The following TEX15 variants were observed in gnomAD, a reference collection of about 807,000 sequenced individuals.
TEX15 encodes testis expressed 15, meiosis and synapsis associated.
Under a neutral mutation model 237.3 loss-of-function variants are expected in TEX15, and 171 were observed. The observed-to-expected ratio is 0.72, with a 90% confidence interval of 0.64 to 0.82. The LOEUF (loss-of-function observed/expected upper bound fraction) is 0.82, where lower values mean the gene tolerates loss of function less well. Among genes scored for constraint, TEX15 ranks in the 40% least tolerant of loss-of-function variants. TEX15 has a pLI of 0.00. For synonymous variants in TEX15, 1,338 were observed against 1,269.8 expected (o/e 1.05, Z -1.14); for missense variants, 3,750 against 3,646.5 (o/e 1.03, Z -0.73).
intron 3 of TEX15, among the ~76,000 whole-genome samples, chr8:30,876,488 A>G (rs551860990): frequency 4.6e-5 from 7 of 152,248 alleles, no homozygotes; most frequent in African/African-American, 1.7e-4. Context: ...TCATGAATCT[A>G]TAAATTTAGC....
chr8:30,867,640 A>C, intron 4 of TEX15, 138 bp from the exon 5 acceptor site: 1 of 594,072 alleles, frequency 1.7e-6, no homozygotes, highest in Non-Finnish European at 3.0e-6. Flanking sequence ...TGTGATGATA[A>C]ATTTGGTTGA....
At chr8:30,878,009 T>C (rs147525047) in intron 3 of TEX15, among the ~76,000 whole-genome samples, 1 of 152,136 alleles carries the variant, frequency 6.6e-6, no homozygotes, top group East Asian at 1.9e-4. Context: ...ATCCTGAAAA[T>C]TATTACTCTC....
chr8:30,902,856 T>C (rs1809032323), intron 1 of TEX15, among the ~76,000 whole-genome samples: 1 of 152,168 alleles, frequency 6.6e-6, no homozygotes, highest in Non-Finnish European at 1.5e-5. Flanking sequence ...ATCTAGGTGA[T>C]GAAGCACAGT....
At chr8:30,903,378 G>A (rs73588057) in intron 1 of TEX15, among the ~76,000 whole-genome samples, 34 of 152,320 alleles carry the variant, frequency 2.2e-4, no homozygotes, top group African/African-American at 7.0e-4. Flanking sequence ...GGGGCCCCCA[G>A]GGGTTAGGAC....
At position 30,837,432 on chromosome 8, in the gene TEX15, A is replaced by G. The variant is rs1807331949; in HGVS notation, c.8852T>C (p.Ile2951Thr). The change falls in exon 10 of 11, where the codon ATA becomes ACA. Residue 2951 changes from isoleucine (I) to threonine (T), a missense_variant. Coordinates refer to ENST00000643185, the MANE Select transcript of TEX15 (RefSeq NM_001350162.2). The part of the protein sequence containing the change: ...CIQNKIPTLQ[I>T]NKLQPTETES... The stretch of plus-strand genomic sequence containing the variant: ...AGTTTCTGTAGGCTGTAGTTTGTTT[A>G]TCTGCAGAGTAGGAATTTTGTTCTG... 2.5e-6 allele frequency: 4 copies of G among 1,614,168 alleles called. No individual in the cohort carries two copies. The highest frequency in any genetic ancestry group is 3.4e-6 in the Non-Finnish European group (4 of 1,180,020).
Position 30,848,876 on chromosome 8 carries a change from T to C in TEX15, c.1291A>G (p.Ile431Val), listed in dbSNP as rs1414748276. The C allele has an allele frequency of 1.2e-6, 2 of 1,614,192 alleles. No homozygotes were observed. Among genetic ancestry groups the C allele is most frequent in the East Asian group, 2.2e-5 (1 of 44,884 alleles). ...CTCCTCATCAGTCTTGGGTCTTTGA[T>C]GGATTTTGAAGTAGTGACTGTGCTT... ...GSSTVTTSKS[I>V]KDPRLMRREE... Residue 431 changes from isoleucine (I) to valine (V), a missense_variant, in exon 8 of 11, where the codon ATC (isoleucine) becomes GTC (valine). Physicochemically the swap from Ile to Val is conservative, Grantham distance 29. Coordinates refer to ENST00000643185, the MANE Select transcript of TEX15 (RefSeq NM_001350162.2).
chr8:30,867,222 A>C (rs1808191921), intron 5 of TEX15, 43 bp downstream of exon 5: 2 of 959,616 alleles, frequency 2.1e-6, no homozygotes, highest in East Asian at 5.2e-5. Flanking sequence ...GTCAATTCAA[A>C]GCAAACTGTC....
chr8:30,906,338 C>G (rs1026896563), intron 1 of TEX15, among the ~76,000 whole-genome samples: 2 of 152,106 alleles, frequency 1.3e-5, no homozygotes, highest in African/African-American at 4.8e-5. Flanking sequence ...GTAATCCCAG[C>G]ACTTTGGAAG....
chr8:30,906,839 C>T (rs1585319161), intron 1 of TEX15, among the ~76,000 whole-genome samples: 1 of 151,988 alleles, frequency 6.6e-6, no homozygotes, highest in East Asian at 1.9e-4. Flanking sequence ...AAAACCAAGG[C>T]ACAGAAAGAC....
Position 30,852,100 on chromosome 8 carries a change from C to CTTTTTTTTTTT in TEX15, c.851-2795_851-2785dup, listed in dbSNP as rs910989172. On this transcript the variant is annotated intron_variant, in intron 7 of 10. Transcript: ENST00000643185. Reference sequence around the variant, plus strand: ...AGTGCCTTATGTACATTAATTTAATCTTTTTTTTTTTTTTTTTTTTTTTTT... The same window carrying CTTTTTTTTTTT: ...AGTGCCTTATGTACATTAATTTAATCTTTTTTTTTTTTTTTTTTTTTTTTTTTTTTTTTTTT... 3.3e-5 allele frequency among the ~76,000 whole-genome samples: 3 copies of CTTTTTTTTTTT among 90,424 alleles called. 1 individual carries two copies. Among genetic ancestry groups the CTTTTTTTTTTT allele is most frequent in the African/African-American group, 1.7e-4 (3 of 18,172 alleles). The allele number at this position is 90,424 out of a possible 152,430, so 59.3% of individuals were successfully genotyped here. A position where few individuals can be genotyped will look rare whatever the true frequency, so the allele number is the denominator to read the frequency against.
At chr8:30,853,731 A>G (rs1807839382) in intron 7 of TEX15, among the ~76,000 whole-genome samples, 1 of 152,176 alleles carries the variant, frequency 6.6e-6, no homozygotes, top group Non-Finnish European at 1.5e-5. Flanking sequence ...TCAGTTGCAC[A>G]TGGATCATTC....
At chr8:30,911,490 C>A (rs1483028821) in intron 1 of TEX15, among the ~76,000 whole-genome samples, 1 of 152,126 alleles carries the variant, frequency 6.6e-6, no homozygotes, top group African/African-American at 2.4e-5. Context: ...CACCAACACA[C>A]ATAGTCGTCA....
At chr8:30,849,962 G>T (rs1005740114) in intron 7 of TEX15, among the ~76,000 whole-genome samples, 1 of 152,032 alleles carries the variant, frequency 6.6e-6, no homozygotes, top group Non-Finnish European at 1.5e-5. Flanking sequence ...TTTCCCAATA[G>T]ATAACAGCTC....
At position 30,836,927 on chromosome 8, in the gene TEX15, T is replaced by G. The variant is rs138346919; in HGVS notation, c.9357A>C (p.Gln3119His). ...GCTGCCGAAAATTAGAAGCAGGTAT[T>G]TGAGATTGAAAATACCCATTCACTG... ...FVPVNGYFQS[Q>H]IPASNFRQPI... Residue 3119 changes from glutamine (Q) to histidine (H), a missense_variant, in exon 10 of 11, where the codon CAA (glutamine) becomes CAC (histidine). Transcript: ENST00000643185. 1.4e-5 allele frequency: 22 copies of G among 1,614,138 alleles called. No homozygotes were observed. The South Asian group carries it at 2.2e-4, about 16-fold the overall frequency.
intron 10 of TEX15, among the ~76,000 whole-genome samples, chr8:30,836,204 C>CTTTTT (rs1563225631): frequency 5.3e-5 from 1 of 18,848 alleles, no homozygotes; most frequent in African/African-American, 1.4e-4. Flanking sequence ...TTCACTGTAT[C>CTTTTT]GTTTTTTTTT....
At position 30,844,050 on chromosome 8, in the gene TEX15, T is replaced by C. The variant is rs148431565; in HGVS notation, c.6117A>G (p.Glu2039=). The C allele has an allele frequency of 1.7e-4, 274 of 1,611,932 alleles. 1 individual carries two copies. The African/African-American group carries it at 3.1e-3, about 18-fold the overall frequency. ...LFVEAFERKQ[E]CSVEQILISR... is the part of the protein sequence containing the mutation. ...AAATCAGGATTTGTTCAACTGAACA[T>C]TCTTGCTTTCTTTCAAAAGCTTCCA... The change falls in exon 8 of 11, where the codon GAA becomes GAG. Residue 2039 remains glutamate (E), a synonymous_variant. Transcript: ENST00000643185.
chr8:30,889,937 A>ATATATATACACATATATATATATATACG (rs1373573835), intron 2 of TEX15, among the ~76,000 whole-genome samples: 1 of 124,318 alleles, frequency 8.0e-6, no homozygotes, highest in African/African-American at 3.8e-5. Context: ...TTATATACAT[A>ATATATATACACATATATATATATATACG]TATATATATA....
In TEX15 at chr8:30,844,053, T is replaced by G; in HGVS notation, c.6114A>C (p.Gln2038His). The G allele has an allele frequency of 6.2e-7, 1 of 1,611,968 alleles. No homozygotes were observed. Among genetic ancestry groups the G allele is most frequent in the Non-Finnish European group, 8.5e-7 (1 of 1,179,254 alleles). Reference sequence around the variant, plus strand: ...TCAGGATTTGTTCAACTGAACATTCTTGCTTTCTTTCAAAAGCTTCCACAA... The same window carrying G: ...TCAGGATTTGTTCAACTGAACATTCGTGCTTTCTTTCAAAAGCTTCCACAA... The part of the protein sequence containing the change: ...PLFVEAFERK[Q>H]ECSVEQILIS... The change falls in exon 8 of 11, where the codon CAA becomes CAC. Residue 2038 changes from glutamine (Q) to histidine (H), a missense_variant. Gln to His is a conservative substitution (Grantham distance 24, BLOSUM62 0). Transcript: ENST00000643185.
At chr8:30,852,299 G>T (rs911047051) in intron 7 of TEX15, among the ~76,000 whole-genome samples, 2 of 151,586 alleles carry the variant, frequency 1.3e-5, no homozygotes, top group Middle Eastern at 6.8e-3. Context: ...TAGAGACAGG[G>T]TTTCACCGTG....
Sources: gnomAD v4.1 joint callset for allele counts (sites outside exome capture counted in the v4.1 genomes callset) on GRCh38, gnomAD v4.1.1 for gene constraint, MANE v1.5 for transcripts, NCBI Gene and HGNC (gene_info 2026-07-23, HGNC 2026-07-21) for gene names.